Variants in CNTLN observed in about 807,000 individuals in gnomAD.
The protein encoded by CNTLN is centlein, centrosomal protein.
CNTLN carries 212 observed loss-of-function variants against 180.0 expected under a neutral mutation model. The observed-to-expected ratio is 1.18, with a 90% CI of 1.05 to 1.32. The LOEUF is 1.32. CNTLN is among the 40% of genes most tolerant of loss of function. CNTLN has a pLI of 0.00. For synonymous variants in CNTLN, 722 were observed against 563.1 expected, an observed-to-expected ratio of 1.28 and a Z score of -3.99; for missense variants, 2,095 against 1,610.9, an observed-to-expected ratio of 1.30 and a Z score of -5.14.
intron 8 of CNTLN, among the ~76,000 whole-genome samples, chr9:17,325,110 TTTTA>T (rs1820175916): frequency 6.7e-6 from 1 of 150,322 alleles, no homozygotes; most frequent in African/African-American, 2.4e-5. Flanking sequence ...GTACCCTTAG[TTTTA>T]TTTGTGAATT....
the CNTLN span, among the ~76,000 whole-genome samples, chr9:17,516,679 A>T: frequency 6.6e-6 from 1 of 152,096 alleles, no homozygotes; most frequent in Non-Finnish European, 1.5e-5. Flanking sequence ...GCCTACTTTC[A>T]TGGAGGGTAA....
At chr9:17,506,471 A>G (rs1482401779), downstream of CNTLN, among the ~76,000 whole-genome samples, 4 of 152,128 alleles carry the variant, frequency 2.6e-5, no homozygotes, top group African/African-American at 9.7e-5. Flanking sequence ...GCTTGGGGCT[A>G]TGGCTGCTAT....
chr9:17,213,199 A>G (rs1407238322), intron 2 of CNTLN, among the ~76,000 whole-genome samples: 2 of 152,194 alleles, frequency 1.3e-5, no homozygotes, highest in Non-Finnish European at 2.9e-5. Context: ...ATTTAGTGCT[A>G]TAAATTTCCC....
chr9:17,295,855 T>C (rs1163101627), intron 6 of CNTLN, among the ~76,000 whole-genome samples: 2 of 152,060 alleles, frequency 1.3e-5, no homozygotes, highest in South Asian at 2.1e-4. Context: ...ATTCCACTTA[T>C]TGAGAGCATG....
intron 5 of CNTLN, among the ~76,000 whole-genome samples, chr9:17,258,105 T>C (rs1366785719): frequency 6.7e-6 from 1 of 149,306 alleles, no homozygotes; most frequent in Non-Finnish European, 1.5e-5. Flanking sequence ...GTTTTTATGG[T>C]TTTAGGTCTA....
rs1296942097 is a variant in CNTLN, at chr9:17,289,384, A to C, written c.984-8806A>C. ...GGTTTCTGCCGAGAGATCCGCTGTT[A>C]GTCTGATGGGCTTCCCTTTGAGGGT... On this transcript the variant is annotated intron_variant, in intron 6 of 25. Transcript: ENST00000380647. Among the ~76,000 whole-genome samples the C allele has an allele frequency of 4.7e-5, 5 of 107,058 alleles. 1 individual carries two copies. The highest frequency in any genetic ancestry group is 2.9e-4 in the Admixed American group (3 of 10,440). The allele number at this position is 107,058 out of a possible 152,430, so 70.2% of individuals were successfully genotyped here. A position where few individuals can be genotyped will look rare whatever the true frequency, so the allele number is the denominator to read the frequency against.
intron 5 of CNTLN, among the ~76,000 whole-genome samples, chr9:17,269,105 A>G (rs1442136528): frequency 6.6e-6 from 1 of 152,174 alleles, no homozygotes; most frequent in Non-Finnish European, 1.5e-5. Context: ...ATGGAAATGC[A>G]GAAATCACCT....
At position 17,382,219 on chromosome 9, in the gene CNTLN, G is replaced by A. The variant is rs1214099129; in HGVS notation, c.1988-5943G>A. ...GTAAATGGATTGCAAATTTCAGATT[G>A]TCCTTATTAAATATTAATTTACAAA... On this transcript the variant is annotated intron_variant, in intron 13 of 25. Coordinates refer to ENST00000380647, the MANE Select transcript of CNTLN (RefSeq NM_017738.4). Among the ~76,000 whole-genome samples the A allele has an allele frequency of 3.3e-5, 5 of 152,126 alleles. No individual in the cohort carries two copies. The East Asian group carries it at 9.6e-4, about 29-fold the overall frequency.
chr9:17,468,195 C>G (rs951799948), intron 23 of CNTLN, among the ~76,000 whole-genome samples: 5 of 151,508 alleles, frequency 3.3e-5, no homozygotes, highest in African/African-American at 1.2e-4. Context: ...ACATTGAGTA[C>G]ACATGGACAC....
At chr9:17,152,256 G>A (rs1818940317) in intron 2 of CNTLN, among the ~76,000 whole-genome samples, 1 of 152,082 alleles carries the variant, frequency 6.6e-6, no homozygotes, top group African/African-American at 2.4e-5. Flanking sequence ...TGATGTTAGG[G>A]TGTCAATTTT....
chr9:17,349,885 A>G (rs1045318823), intron 12 of CNTLN, among the ~76,000 whole-genome samples: 1 of 152,182 alleles, frequency 6.6e-6, no homozygotes, highest in South Asian at 2.1e-4. Context: ...AACATACAGT[A>G]TAGTTTCAAG....
Position 17,298,257 on chromosome 9 carries a change from C to G in CNTLN, c.1051C>G (p.Leu351Val). The change falls in exon 7 of 26, where the codon CTG becomes GTG. Residue 351 changes from leucine to valine, a missense_variant. Leu to Val is a conservative substitution (Grantham distance 32). Transcript: ENST00000380647. ...TACACATACAGCCCAGCAAGCAGAG[C>G]TGATCCAGCAGCTTCAGGTTCTCAA... is the stretch of plus-strand genomic sequence containing the variant. ...NSTHTAQQAE[L>V]IQQLQVLNMD... 6.2e-7 allele frequency: 1 copy of G among 1,613,088 alleles called. No individual in the cohort carries two copies. Among genetic ancestry groups the G allele is most frequent in the African/African-American group, 1.3e-5 (1 of 74,988 alleles).
At chr9:17,386,193 C>G (rs1029410094) in intron 13 of CNTLN, among the ~76,000 whole-genome samples, 4 of 150,600 alleles carry the variant, frequency 2.7e-5, no homozygotes, top group Admixed American at 6.6e-5. Flanking sequence ...TAAAAGAATA[C>G]AAAGTAAAAG....
intron 3 of CNTLN, among the ~76,000 whole-genome samples, chr9:17,232,326 C>T (rs1032171870): frequency 6.6e-6 from 1 of 151,644 alleles, no homozygotes; most frequent in Non-Finnish European, 1.5e-5. Context: ...TTTGGTTAAC[C>T]AATTTTTTAA....
chr9:17,221,243 G>A (rs1824116158), intron 2 of CNTLN, among the ~76,000 whole-genome samples: 1 of 151,720 alleles, frequency 6.6e-6, no homozygotes, highest in African/African-American at 2.4e-5. Context: ...CAAATTATAG[G>A]TAAAGTTCAT....
intron 12 of CNTLN, among the ~76,000 whole-genome samples, chr9:17,355,379 C>T (rs953299127): frequency 2.0e-5 from 3 of 152,160 alleles, no homozygotes; most frequent in African/African-American, 4.8e-5. Flanking sequence ...CCTCCCATTC[C>T]GTAGGCTATA....
At chr9:17,182,566 T>C (rs1455239699) in intron 2 of CNTLN, among the ~76,000 whole-genome samples, 2 of 152,220 alleles carry the variant, frequency 1.3e-5, no homozygotes, top group African/African-American at 4.8e-5. Flanking sequence ...TTAGAAAATT[T>C]ATTTTGTCAT....
chr9:17,415,216 C>A (rs1828137974), intron 16 of CNTLN, among the ~76,000 whole-genome samples: 1 of 152,024 alleles, frequency 6.6e-6, no homozygotes. Flanking sequence ...ATTAGAATGC[C>A]ATGAGGAAAA....
intron 12 of CNTLN, among the ~76,000 whole-genome samples, chr9:17,363,336 C>T (rs954020319): frequency 6.6e-6 from 1 of 152,196 alleles, no homozygotes; most frequent in Admixed American, 6.5e-5. Context: ...TACATTTCCA[C>T]CAGCAGTGTA....
Sources: gnomAD v4.1 joint callset for allele counts (sites outside exome capture counted in the v4.1 genomes callset) on GRCh38, gnomAD v4.1.1 for gene constraint, MANE v1.5 for transcripts, NCBI Gene and HGNC (gene_info 2026-07-23, HGNC 2026-07-21) for gene names.